Variants in ARRB2 observed in about 807,000 individuals in gnomAD.
ARRB2 encodes arrestin beta 2, also known as beta-arrestin-2.
In ARRB2, 21 loss-of-function variants were observed where a neutral mutation model predicts 53.4. The ratio of observed to expected loss-of-function variants is 0.39; its 90% CI spans 0.28 to 0.57. The LOEUF is 0.57. Ranked by LOEUF, ARRB2 falls within the 20% of genes least tolerant of loss-of-function variation. The probability of loss-of-function intolerance (pLI) is 0.55; values close to 1 mark genes in which losing one functional copy is unlikely to be tolerated. For synonymous variants in ARRB2, 180 were observed against 212.9 expected, an observed-to-expected ratio of 0.85 and a Z score of 1.34; for missense variants, 369 against 527.5, an observed-to-expected ratio of 0.70 and a Z score of 2.94.
At chr17:4,713,266 G>A (rs1376892251) in intron 1 of ARRB2, among the ~76,000 whole-genome samples, 3 of 151,800 alleles carry the variant, frequency 2.0e-5, no homozygotes, top group Non-Finnish European at 4.4e-5. Flanking sequence ...AGGCTGAGGC[G>A]GGCGGATCAC....
At position 4,719,436 on chromosome 17, in the gene ARRB2, G is replaced by A; in HGVS notation, c.917+16G>A. The A allele has an allele frequency of 3.1e-6, 5 of 1,612,500 alleles. No homozygotes were observed. Among genetic ancestry groups the A allele is most frequent in the Non-Finnish European group, 3.4e-6 (4 of 1,179,062 alleles). On this transcript the variant is annotated intron_variant, in intron 11 of 14. Transcript: ENST00000269260. ...CCAGCACCATGTGAGGGTGGGGCTG[G>A]GGCGGGTCCCCTGCAGGCCAGGGGC...
chr17:4,718,831 G>C (rs1915370110), intron 10 of ARRB2, 147 bp downstream of exon 10: 9 of 851,756 alleles, frequency 1.1e-5, no homozygotes, highest in Non-Finnish European at 1.1e-5. Flanking sequence ...GCCCAGCCTG[G>C]AGTGCAATGG....
chr17:4,717,662 T>G lies in ARRB2; in HGVS notation c.418-23T>G. 1 of 1,613,926 alleles carries G rather than the reference T, an allele frequency of 6.2e-7. No homozygotes were observed. Among genetic ancestry groups the G allele is most frequent in the Non-Finnish European group, 8.5e-7 (1 of 1,179,940 alleles). ...GGTGGCGGGAGCCTCCGGTAAGATG[T>G]GGCCTTTTCTCCCCTCCCCGAGGCC... On this transcript the variant is annotated intron_variant, in intron 6 of 14. Coordinates refer to ENST00000269260, the MANE Select transcript of ARRB2 (RefSeq NM_004313.4). This position sits in a 1 kb window ranked among gnomAD's most constrained non-coding sequence, Gnocchi z 6.0.
intron 9 of ARRB2, 59 bp from the exon 10 acceptor site, chr17:4,718,553 G>A: frequency 1.3e-6 from 2 of 1,559,212 alleles, no homozygotes; most frequent in Non-Finnish European, 8.8e-7. Flanking sequence ...GTCTGGAGTT[G>A]TGGTGTGGTG....
At position 4,717,556 on chromosome 17, in the gene ARRB2, A is replaced by C; in HGVS notation, c.418-129A>C. 1 of 1,248,332 alleles carries C rather than the reference A, an allele frequency of 8.0e-7. No homozygotes were observed. Among genetic ancestry groups the C allele is most frequent in the South Asian group, 1.3e-5 (1 of 79,206 alleles). 77.3% of individuals were successfully genotyped at this position (1,248,332 alleles called of 1,614,324 possible). Reference sequence around the variant, plus strand: ...TGGGCTTTGGAGAGGAAGAAGACTTAGTCCCCAGGGTCGTGAGACCACAAT... The same window carrying C: ...TGGGCTTTGGAGAGGAAGAAGACTTCGTCCCCAGGGTCGTGAGACCACAAT... On this transcript the variant is annotated intron_variant, in intron 6 of 14. Coordinates refer to ENST00000269260, the MANE Select transcript of ARRB2 (RefSeq NM_004313.4). The surrounding 1 kb of genome is among the most constrained non-coding windows in gnomAD (Gnocchi z 6.0).
At chr17:4,712,069 C>T (rs2150580942) in intron 1 of ARRB2, among the ~76,000 whole-genome samples, 1 of 152,324 alleles carries the variant, frequency 6.6e-6, no homozygotes, top group Non-Finnish European at 1.5e-5. Context: ...TGCCCCAGAA[C>T]CACACTCCAG....
Position 4,721,337 on chromosome 17 carries a change from C to T in ARRB2, c.*298C>T, listed in dbSNP as rs1597491350. Reference sequence around the variant, plus strand: ...AAGGGGACAGTGAAAAGAGGAGTGACAGGAGGGAAAGGGGGAGACAAAACT... The same window carrying T: ...AAGGGGACAGTGAAAAGAGGAGTGATAGGAGGGAAAGGGGGAGACAAAACT... On this transcript the variant is annotated 3_prime_UTR_variant, in exon 15 of 15. Coordinates refer to ENST00000269260, the MANE Select transcript of ARRB2 (RefSeq NM_004313.4). The surrounding 1 kb of genome is among the most constrained non-coding windows in gnomAD (Gnocchi z 4.2). 2.3e-6 allele frequency: 1 copy of T among 441,188 alleles called. No individual in the cohort carries two copies. Among genetic ancestry groups the T allele is most frequent in the Non-Finnish European group, 4.0e-6 (1 of 250,182 alleles). 27.3% of individuals were successfully genotyped at this position (441,188 alleles called of 1,614,324 possible).
intron 10 of ARRB2, 36 bp downstream of exon 10, chr17:4,718,720 G>A (rs1162377726): frequency 1.3e-6 from 2 of 1,591,244 alleles, no homozygotes; most frequent in African/African-American, 1.3e-5. Context: ...CCAATCTAGG[G>A]GAGAAGAGCA....
At position 4,717,330 on chromosome 17, in the gene ARRB2, G is replaced by A; in HGVS notation, c.417+54G>A. 1 of 1,593,896 alleles carries A rather than the reference G, an allele frequency of 6.3e-7. No individual in the cohort carries two copies. Among genetic ancestry groups the A allele is most frequent in the South Asian group, 1.1e-5 (1 of 90,674 alleles). ...TAGGGCAGGACATGGGCCAGCAGGA[G>A]CCTGGAGGCACAGCTGAGCCAGAGG... On this transcript the variant is annotated intron_variant, in intron 6 of 14. Transcript: ENST00000269260. The surrounding 1 kb of genome is among the most constrained non-coding windows in gnomAD (Gnocchi z 6.0).
chr17:4,716,794 T>G, intron 5 of ARRB2, 186 bp downstream of exon 5: 80 of 1,020,566 alleles, frequency 7.8e-5, no homozygotes, highest in Non-Finnish European at 1.0e-4. Context: ...CTGGGGCCCC[T>G]TCCTTCTTCC....
Position 4,716,033 on chromosome 17 carries a change from G to A in ARRB2, c.115G>A (p.Asp39Asn). The A allele has an allele frequency of 6.2e-7, 1 of 1,614,196 alleles. No individual in the cohort carries two copies. The highest frequency in any genetic ancestry group is 8.5e-7 in the Non-Finnish European group (1 of 1,180,030). Residue 39 changes from aspartate (D) to asparagine (N), a missense_variant and splice_region_variant, in exon 3 of 15, where the codon GAT (aspartate) becomes AAT (asparagine). Asp to Asn is a conservative substitution (Grantham distance 23). Transcript: ENST00000269260. ...VDHLDKVDPVDGVVLVDPDYL... is the reference protein window; with the variant it reads ...VDHLDKVDPVNGVVLVDPDYL... The stretch of plus-strand genomic sequence containing the variant: ...TCACCTGGACAAAGTGGACCCTGTA[G>A]GTAAGTTTTCCCAGAAAGGGACAGC...
chr17:4,711,770 G>A (rs750440976), intron 1 of ARRB2, among the ~76,000 whole-genome samples: 12 of 152,152 alleles, frequency 7.9e-5, no homozygotes, highest in East Asian at 1.9e-4. Context: ...CCTGATTTCC[G>A]TCATGTGGTT....
At chr17:4,713,012 A>C (rs1490378697) in intron 1 of ARRB2, among the ~76,000 whole-genome samples, 2 of 152,148 alleles carry the variant, frequency 1.3e-5, no homozygotes, top group Non-Finnish European at 2.9e-5. Flanking sequence ...TTTTTGAGAC[A>C]AAGTCTTGCT....
intron 10 of ARRB2, 134 bp from the exon 11 acceptor site, chr17:4,719,149 A>G: frequency 1.8e-6 from 2 of 1,112,328 alleles, no homozygotes; most frequent in Non-Finnish European, 2.5e-6. Flanking sequence ...CGTTGAGCCA[A>G]AACCTACTCC....
At position 4,717,840 on chromosome 17, in the gene ARRB2, G is replaced by A; in HGVS notation, c.486-48G>A. On this transcript the variant is annotated intron_variant, in intron 7 of 14. Coordinates refer to ENST00000269260, the MANE Select transcript of ARRB2 (RefSeq NM_004313.4). This position sits in a 1 kb window ranked among gnomAD's most constrained non-coding sequence, Gnocchi z 6.0. ...AGGCCCCGTGCGGGGGAGGAGTAGG[G>A]TTGGGGTGTGTGAGGAATGACCCCT... 4 of 1,613,272 alleles carry A rather than the reference G, an allele frequency of 2.5e-6. No homozygotes were observed. The highest frequency in any genetic ancestry group is 3.4e-6 in the Non-Finnish European group (4 of 1,179,676).
At chr17:4,719,013 A>G (rs914473845) in intron 10 of ARRB2, among the ~76,000 whole-genome samples, 1 of 152,060 alleles carries the variant, frequency 6.6e-6, no homozygotes, top group Non-Finnish European at 1.5e-5. Context: ...ACCTCAAGTG[A>G]CCCACCCGTC....
chr17:4,718,226 C>T (rs759469772), intron 8 of ARRB2, 35 bp from the exon 9 acceptor site: 1 of 1,589,686 alleles, frequency 6.3e-7, no homozygotes, highest in Non-Finnish European at 8.6e-7. Context: ...CAGTGAAAAC[C>T]AGTTCCAATT....
At chr17:4,719,640 G>C (rs1915486174) in intron 11 of ARRB2, among the ~76,000 whole-genome samples, 1 of 152,224 alleles carries the variant, frequency 6.6e-6, no homozygotes. Flanking sequence ...AGGAAGGGAT[G>C]GGGGGCAGTG....
chr17:4,719,229 C>T, intron 10 of ARRB2, 54 bp from the exon 11 acceptor site: 3 of 1,580,098 alleles, frequency 1.9e-6, no homozygotes, highest in Non-Finnish European at 1.7e-6. Context: ...CATAGGCCGC[C>T]CCTTGCCCAG....
Sources: gnomAD v4.1 joint callset for allele counts (sites outside exome capture counted in the v4.1 genomes callset) on GRCh38, gnomAD v4.1.1 for gene constraint, Gnocchi (gnomAD v3.1) non-coding constraint, MANE v1.5 for transcripts, NCBI Gene and HGNC (gene_info 2026-07-23, HGNC 2026-07-21) for gene names.